The following LYST variants were observed in gnomAD, a reference collection of about 807,000 sequenced individuals.
The protein encoded by LYST is lysosomal trafficking regulator.
A neutral mutation model predicts 413.6 loss-of-function variants in LYST; 192 were observed. The ratio of observed to expected loss-of-function variants is 0.46; its 90% CI spans 0.41 to 0.52. The LOEUF is 0.52. Ranked by LOEUF, LYST falls within the 20% of genes least tolerant of loss-of-function variation. The pLI, the probability that LYST is intolerant of heterozygous loss-of-function variation, is 0.00. For missense variants in LYST, 3,815 were observed against 4,499.9 expected, an observed-to-expected ratio of 0.85 and a Z score of 4.35; for synonymous variants, 1,525 against 1,567.3, an observed-to-expected ratio of 0.97 and a Z score of 0.64.
intron 1 of LYST, among the ~76,000 whole-genome samples, chr1:235,846,352 G>C (rs1044896103): frequency 2.0e-5 from 3 of 152,078 alleles, no homozygotes; most frequent in Non-Finnish European, 4.4e-5. Flanking sequence ...AACACCCCGT[G>C]GGACAAAAGA....
intron 42 of LYST, chr1:235,712,705 G>T: frequency 1.0e-6 from 1 of 984,946 alleles, no homozygotes; most frequent in Non-Finnish European, 1.2e-6. Context: ...GGGGGGGTGC[G>T]TAGGTTACGG....
At chr1:235,871,237 T>C (rs1680909627), upstream of LYST, among the ~76,000 whole-genome samples, 1 of 152,256 alleles carries the variant, frequency 6.6e-6, no homozygotes. Flanking sequence ...GATTCTTTCA[T>C]GTAATTTTCT....
At chr1:235,833,160 A>G (rs1166199410) in intron 2 of LYST, among the ~76,000 whole-genome samples, 1 of 151,394 alleles carries the variant, frequency 6.6e-6, no homozygotes, top group Non-Finnish European at 1.5e-5. Context: ...TGCTTTGTAT[A>G]TTAGGAAGTA....
Position 235,806,179 on chromosome 1 carries a change from C to T in LYST, c.2957G>A (p.Gly986Asp). ...VFQKQFYRLG[G>D]FRVCHKLIFM... ...TATTAACTTATGGCATACTCGGAAA[C>T]CACCAAGCCTATAAAACTGTTTCTG... Residue 986 changes from glycine (G) to aspartate (D), a missense_variant, in exon 6 of 53, where the codon GGT becomes GAT. Physicochemically the swap from Gly to Asp is moderately conservative, Grantham distance 94. Transcript: ENST00000389793. The T allele has an allele frequency of 6.2e-7, 1 of 1,613,834 alleles. No homozygotes were observed.
intron 1 of LYST, among the ~76,000 whole-genome samples, chr1:235,882,419 G>C (rs1479300037): frequency 4.6e-5 from 7 of 152,280 alleles, no homozygotes; most frequent in South Asian, 4.1e-4. Context: ...ATAGGTACTG[G>C]GCAGCTACTG....
At chr1:235,746,836 T>C (rs778351963) in intron 28 of LYST, among the ~76,000 whole-genome samples, 1 of 152,226 alleles carries the variant, frequency 6.6e-6, no homozygotes, top group Admixed American at 6.5e-5. Context: ...GTTCAGAACA[T>C]TTTGATAAAA....
chr1:235,807,081 A>G (rs1293974840), intron 5 of LYST, among the ~76,000 whole-genome samples: 1 of 152,226 alleles, frequency 6.6e-6, no homozygotes, highest in Non-Finnish European at 1.5e-5. Flanking sequence ...CAAATGGCAA[A>G]TTCTATATAA....
chr1:235,666,968 G>A (rs551814987), intron 50 of LYST, among the ~76,000 whole-genome samples: 1 of 152,114 alleles, frequency 6.6e-6, no homozygotes, highest in Non-Finnish European at 1.5e-5. Context: ...AAATCTAAAT[G>A]TGGGCCTGGA....
At chr1:235,728,650 A>G (rs1205605021) in intron 37 of LYST, among the ~76,000 whole-genome samples, 2 of 152,090 alleles carry the variant, frequency 1.3e-5, no homozygotes, top group African/African-American at 2.4e-5. Context: ...TTGCTAACCC[A>G]TGTCCCTACA....
intron 37 of LYST, 31 bp downstream of exon 37, chr1:235,729,565 T>C (rs754347082): frequency 3.2e-5 from 46 of 1,449,348 alleles, no homozygotes; most frequent in Non-Finnish European, 4.3e-5. Flanking sequence ...GCAGGGTGAA[T>C]ATGTGCAAAA....
intron 2 of LYST, among the ~76,000 whole-genome samples, chr1:235,830,650 A>G (rs937236532): frequency 6.6e-6 from 1 of 152,206 alleles, no homozygotes; most frequent in Admixed American, 6.5e-5. Context: ...ATACCTGAGC[A>G]TAGCTGAGAA....
At chr1:235,718,083 C>CA (rs781121377) in intron 40 of LYST, among the ~76,000 whole-genome samples, 11 of 151,986 alleles carry the variant, frequency 7.2e-5, no homozygotes, top group Non-Finnish European at 1.5e-5. Context: ...ACGCTGGTCT[C>CA]AAACTCCTGA....
chr1:235,751,937 T>C (rs1039507975), intron 27 of LYST, 68 bp downstream of exon 27: 5 of 1,061,616 alleles, frequency 4.7e-6, no homozygotes, highest in Non-Finnish European at 7.2e-6. Context: ...AAGAAAGAGA[T>C]TGTGCTCAAA....
rs764963154 is a variant in LYST, at chr1:235,830,253, A to G, written c.165T>C (p.Leu55=). Residue 55 remains leucine (L), a synonymous_variant, in exon 3 of 53, where the codon CTT becomes CTC. Transcript: ENST00000389793. ...GATCAATTATAGAATTTAGCTTGGT[A>G]AGTAATAGAAATCCTCGACCATGGA... ...YLVHGRGFLL[L]TKLNSIIDQA... is the part of the protein sequence containing the mutation. 1.9e-6 allele frequency: 3 copies of G among 1,613,712 alleles called. No individual in the cohort carries two copies. The Admixed American group carries it at 5.0e-5, about 27-fold the overall frequency.
At chr1:235,816,477 A>C (rs980828416) in intron 3 of LYST, among the ~76,000 whole-genome samples, 2 of 150,832 alleles carry the variant, frequency 1.3e-5, no homozygotes, top group African/African-American at 4.9e-5. Flanking sequence ...AAATAAAAAA[A>C]AAAAGCCATA....
At chr1:235,816,334 G>A (rs1379628163) in intron 3 of LYST, among the ~76,000 whole-genome samples, 13 of 149,934 alleles carry the variant, frequency 8.7e-5, no homozygotes, top group African/African-American at 2.0e-4. Flanking sequence ...CCAGCTACTC[G>A]GGAGCTGAGG....
intron 31 of LYST, chr1:235,735,395 T>C (rs1017632914): frequency 6.6e-6 from 1 of 152,026 alleles, no homozygotes; most frequent in African/African-American, 2.4e-5. Context: ...CATGGCAGAG[T>C]TGTTTTAGCC....
intron 52 of LYST, among the ~76,000 whole-genome samples, chr1:235,663,549 GA>G (rs1658196004): frequency 1.3e-5 from 2 of 152,116 alleles, no homozygotes; most frequent in Admixed American, 6.5e-5. Context: ...TTAGTACACT[GA>G]AAATACATTT....
At chr1:235,732,860 A>G (rs1448807581) in intron 34 of LYST, among the ~76,000 whole-genome samples, 1 of 152,214 alleles carries the variant, frequency 6.6e-6, no homozygotes, top group Non-Finnish European at 1.5e-5. Flanking sequence ...ATTTGCTGAA[A>G]ATATATTTCC....
Sources: gnomAD v4.1 joint callset for allele counts (sites outside exome capture counted in the v4.1 genomes callset) on GRCh38, gnomAD v4.1.1 for gene constraint, MANE v1.5 for transcripts, NCBI Gene and HGNC (gene_info 2026-07-23, HGNC 2026-07-21) for gene names.